The following ITGA11 variants were observed in gnomAD, a reference collection of about 807,000 sequenced individuals.
The protein encoded by ITGA11 is integrin subunit alpha 11.
Under a neutral mutation model 141.9 loss-of-function variants are expected in ITGA11, and 97 were observed. The observed-to-expected ratio is 0.68, with a 90% confidence interval of 0.58 to 0.81. The LOEUF is 0.81. Among genes scored for constraint, ITGA11 ranks in the 30% least tolerant of loss-of-function variants. The pLI, the probability that ITGA11 is intolerant of heterozygous loss-of-function variation, is 0.00. For missense variants in ITGA11, 1,387 were observed against 1,559.2 expected, an observed-to-expected ratio of 0.89 and a Z score of 1.86; for synonymous variants, 658 against 624.6, an observed-to-expected ratio of 1.05 and a Z score of -0.80.
chr15:68,396,170 T>C (rs12592461), intron 2 of ITGA11, among the ~76,000 whole-genome samples: 3,562 of 152,032 alleles, frequency 0.023, 59 homozygotes, highest in South Asian at 0.033. Flanking sequence ...TGAGAATATA[T>C]ACATGGGAGA....
At chr15:68,363,554 T>C (rs1346470461) in intron 4 of ITGA11, among the ~76,000 whole-genome samples, 1 of 152,198 alleles carries the variant, frequency 6.6e-6, no homozygotes, top group Non-Finnish European at 1.5e-5. Flanking sequence ...ATTTGTCTTA[T>C]CTAATTTGTC....
chr15:68,400,885 A>AAATATTATATTATATATTATAT (rs1896485594), intron 2 of ITGA11, among the ~76,000 whole-genome samples: 1 of 86,362 alleles, frequency 1.2e-5, no homozygotes, highest in African/African-American at 5.4e-5. Context: ...ATTATATAAT[A>AAATATTATATTATATATTATAT]AATATTATAA....
chr15:68,398,100 C>T (rs955134589), intron 2 of ITGA11, among the ~76,000 whole-genome samples: 2 of 151,590 alleles, frequency 1.3e-5, no homozygotes, highest in African/African-American at 4.8e-5. Context: ...ATCAACTAAC[C>T]AGCAAAAGAA....
chr15:68,424,728 CA>C (rs146525101), intron 1 of ITGA11, among the ~76,000 whole-genome samples: 6,232 of 152,240 alleles, frequency 0.041, 431 homozygotes, highest in African/African-American at 0.14. Flanking sequence ...TATGCCAATA[CA>C]AATACTTGGG....
intron 7 of ITGA11, 48 bp downstream of exon 7, chr15:68,357,103 T>C (rs781602906): frequency 6.4e-7 from 1 of 1,564,180 alleles, no homozygotes; most frequent in East Asian, 2.2e-5. Flanking sequence ...ATAACTACAA[T>C]AGCATCTGAG....
intron 1 of ITGA11, among the ~76,000 whole-genome samples, chr15:68,420,567 G>C (rs1390848513): frequency 6.6e-6 from 1 of 152,230 alleles, no homozygotes; most frequent in Admixed American, 6.5e-5. Context: ...AGGACTGAAT[G>C]TATACCTACC....
chr15:68,363,010 T>C (rs540358506), intron 4 of ITGA11, among the ~76,000 whole-genome samples: 193 of 152,082 alleles, frequency 1.3e-3, no homozygotes, highest in Middle Eastern at 3.4e-3. Flanking sequence ...GGTTGATGGA[T>C]GGATGGATGA....
At chr15:68,427,744 C>T (rs145546510) in intron 1 of ITGA11, among the ~76,000 whole-genome samples, 1 of 152,284 alleles carries the variant, frequency 6.6e-6, no homozygotes, top group East Asian at 1.9e-4. Context: ...AGAATTCACA[C>T]AGTTAGGATC....
At position 68,305,247 on chromosome 15, in the gene ITGA11, T is replaced by G. The variant is rs1448447186; in HGVS notation, c.3382-1362A>C. Among the ~76,000 whole-genome samples, 1 of 152,188 alleles carries G rather than the reference T, an allele frequency of 6.6e-6. No homozygotes were observed. The highest frequency in any genetic ancestry group is 1.9e-4 in the East Asian group (1 of 5,196). ...TTTCCCTCACGCAGCCACGAGACAC[T>G]CCTGTCTTCCTCATGGTCTCTGTCT... On this transcript the variant is annotated intron_variant, in intron 28 of 29. Coordinates refer to ENST00000315757, the MANE Select transcript of ITGA11 (RefSeq NM_001004439.2). This position sits in a 1 kb window ranked among gnomAD's most constrained non-coding sequence, Gnocchi z 4.6.
intron 28 of ITGA11, among the ~76,000 whole-genome samples, chr15:68,306,123 G>C (rs1251023235): frequency 6.6e-6 from 1 of 151,404 alleles, no homozygotes; most frequent in African/African-American, 2.4e-5. Flanking sequence ...CTGGGAGGTG[G>C]AGCTGGCAGT....
At chr15:68,361,829 G>T in intron 4 of ITGA11, 125 bp from the exon 5 acceptor site, 2 of 646,766 alleles carry the variant, frequency 3.1e-6, no homozygotes, top group Non-Finnish European at 2.7e-6. Flanking sequence ...GGGTGAGGGG[G>T]TGAGGGATCT....
chr15:68,370,777 G>A (rs1277954441), intron 2 of ITGA11, among the ~76,000 whole-genome samples: 1 of 152,194 alleles, frequency 6.6e-6, no homozygotes, highest in Admixed American at 6.5e-5. Context: ...TTTAGACCTT[G>A]CTCTTCCAGC....
chr15:68,394,738 G>T (rs974906591), intron 2 of ITGA11, among the ~76,000 whole-genome samples: 4 of 151,894 alleles, frequency 2.6e-5, no homozygotes, highest in Non-Finnish European at 5.9e-5. Flanking sequence ...AAAGAGAAAT[G>T]AAAAAGAGGA....
At chr15:68,355,447 C>CT (rs530960844) in intron 7 of ITGA11, among the ~76,000 whole-genome samples, 2,906 of 150,792 alleles carry the variant, frequency 0.019, 42 homozygotes, top group South Asian at 0.032. Context: ...TTCTTTTTTT[C>CT]TTTTTTTCTT....
Position 68,296,560 on chromosome 15 carries a change from G to C in ITGA11, c.*6499C>G, listed in dbSNP as rs1183895237. On this transcript the variant is annotated 3_prime_UTR_variant, in exon 30 of 30. Transcript: ENST00000315757. The stretch of plus-strand genomic sequence containing the variant: ...TTTGATTTGTATGCCTTTATTATGA[G>C]TAACATTGAACACTTTCATATATTT... 6.6e-6 allele frequency: 1 copy of C among 152,158 alleles called. No homozygotes were observed. The highest frequency in any genetic ancestry group is 1.5e-5 in the Non-Finnish European group (1 of 68,018). The allele number at this position is 152,158 out of a possible 1,614,324, so 9.4% of individuals were successfully genotyped here.
In ITGA11 at chr15:68,328,715, A is replaced by T. The variant is rs1894061812; in HGVS notation, c.1902-453T>A. ...TTAAAGCAGTGCCTCTGAAATTTTC[A>T]TATGTGTGCACGCCCCCTGGGGATC... is the stretch of plus-strand genomic sequence containing the variant. On this transcript the variant is annotated intron_variant, in intron 15 of 29. Coordinates refer to ENST00000315757, the MANE Select transcript of ITGA11 (RefSeq NM_001004439.2). The surrounding 1 kb of genome is among the most constrained non-coding windows in gnomAD (Gnocchi z 4.8). 6.6e-6 allele frequency among the ~76,000 whole-genome samples: 1 copy of T among 152,190 alleles called. No individual in the cohort carries two copies. The highest frequency in any genetic ancestry group is 2.4e-5 in the African/African-American group (1 of 41,442).
At chr15:68,348,458 G>C (rs1894805957) in intron 10 of ITGA11, among the ~76,000 whole-genome samples, 1 of 152,222 alleles carries the variant, frequency 6.6e-6, no homozygotes, top group South Asian at 2.1e-4. Flanking sequence ...GGACTGAATG[G>C]GAAGGCACAC....
At chr15:68,370,841 G>A (rs558454288) in intron 2 of ITGA11, among the ~76,000 whole-genome samples, 4 of 152,292 alleles carry the variant, frequency 2.6e-5, no homozygotes, top group East Asian at 3.9e-4. Flanking sequence ...ACATGCCAGC[G>A]GAGTTAGATG....
intron 2 of ITGA11, among the ~76,000 whole-genome samples, chr15:68,379,823 A>G (rs747260722): frequency 6.6e-6 from 1 of 152,186 alleles, no homozygotes; most frequent in Non-Finnish European, 1.5e-5. Flanking sequence ...ACACAGCAAT[A>G]GTTTGGACAG....
Sources: allele counts gnomAD v4.1 joint callset (sites outside exome capture counted in the v4.1 genomes callset), GRCh38; gene constraint gnomAD v4.1.1; non-coding constraint Gnocchi (gnomAD v3.1); transcripts MANE v1.5; gene names NCBI Gene and HGNC (gene_info 2026-07-23, HGNC 2026-07-21).